Variants in OCA2 observed in about 807,000 individuals in gnomAD.
OCA2 encodes OCA2 melanosomal transmembrane protein.
A neutral mutation model predicts 100.2 loss-of-function variants in OCA2; 77 were observed. The ratio of observed to expected loss-of-function variants is 0.77; its 90% confidence interval spans 0.64 to 0.93. The LOEUF (loss-of-function observed/expected upper bound fraction) is 0.93. OCA2 is among the 40% of genes least tolerant of loss of function. The pLI is 0.00. For missense variants in OCA2, 1,062 were observed against 1,089.1 expected (o/e 0.98, Z 0.35); for synonymous variants, 432 against 439.2 (o/e 0.98, Z 0.21).
chr15:27,962,276 A>G (rs971432814), intron 15 of OCA2, among the ~76,000 whole-genome samples: 1 of 152,230 alleles, frequency 6.6e-6, no homozygotes. Flanking sequence ...ATTCTGCCAT[A>G]TAAGTTTCAA....
At chr15:27,780,908 G>A (rs1285757242) in intron 23 of OCA2, among the ~76,000 whole-genome samples, 3 of 152,192 alleles carry the variant, frequency 2.0e-5, no homozygotes, top group South Asian at 2.1e-4. Context: ...ATCTCTCCAC[G>A]AAATTATGAG....
At chr15:28,018,076 T>C (rs1224256394) in intron 7 of OCA2, among the ~76,000 whole-genome samples, 1 of 151,832 alleles carries the variant, frequency 6.6e-6, no homozygotes, top group Non-Finnish European at 1.5e-5. Context: ...AGGCCCGGAC[T>C]TAACTGCACT....
chr15:27,851,827 G>A (rs998540439), intron 21 of OCA2, among the ~76,000 whole-genome samples: 1 of 152,124 alleles, frequency 6.6e-6, no homozygotes, highest in African/African-American at 2.4e-5. Flanking sequence ...CTATGCACAC[G>A]TCATCTTGAA....
At chr15:27,919,891 G>A (rs2038797180) in intron 19 of OCA2, among the ~76,000 whole-genome samples, 1 of 152,054 alleles carries the variant, frequency 6.6e-6, no homozygotes, top group African/African-American at 2.4e-5. Context: ...TGGAGTATAT[G>A]GAAAATCTCT....
the OCA2 span, among the ~76,000 whole-genome samples, chr15:27,736,488 A>G: frequency 2.0e-5 from 3 of 152,240 alleles, no homozygotes; most frequent in Middle Eastern, 3.2e-3. Flanking sequence ...AGGAAGCTAC[A>G]TGGAGTTTTC....
intron 9 of OCA2, among the ~76,000 whole-genome samples, chr15:27,999,932 AG>A (rs1367346576): frequency 6.6e-6 from 1 of 152,194 alleles, no homozygotes; most frequent in East Asian, 1.9e-4. Flanking sequence ...CTGTACACTC[AG>A]GACAGTAAGA....
At chr15:28,028,615 G>C (rs958411501) in intron 3 of OCA2, among the ~76,000 whole-genome samples, 1 of 152,078 alleles carries the variant, frequency 6.6e-6, no homozygotes, top group Non-Finnish European at 1.5e-5. Flanking sequence ...TGACTCAAGG[G>C]GAATCATAAA....
At chr15:27,769,042 C>T (rs1353657747) in intron 23 of OCA2, among the ~76,000 whole-genome samples, 1 of 152,200 alleles carries the variant, frequency 6.6e-6, no homozygotes, top group Non-Finnish European at 1.5e-5. Context: ...ACGGATGCTG[C>T]GGGTTCACCG....
At chr15:27,930,592 G>A (rs535878988) in intron 18 of OCA2, among the ~76,000 whole-genome samples, 1 of 151,510 alleles carries the variant, frequency 6.6e-6, no homozygotes, top group Non-Finnish European at 1.5e-5. Flanking sequence ...TTGTGAGAGA[G>A]AGTGTCTGGC....
At chr15:28,077,401 A>T (rs910735573) in intron 2 of OCA2, among the ~76,000 whole-genome samples, 15 of 152,274 alleles carry the variant, frequency 9.9e-5, no homozygotes, top group Non-Finnish European at 1.6e-4. Context: ...ATATTAGATT[A>T]AAAAATTCAT....
chr15:27,933,986 C>T (rs575333199), intron 18 of OCA2, among the ~76,000 whole-genome samples: 201 of 152,052 alleles, frequency 1.3e-3, no homozygotes, highest in African/African-American at 4.7e-3. Context: ...ATATACATAA[C>T]ACATATATGT....
At chr15:28,055,144 C>G (rs2043649969) in intron 2 of OCA2, among the ~76,000 whole-genome samples, 1 of 152,210 alleles carries the variant, frequency 6.6e-6, no homozygotes, top group Non-Finnish European at 1.5e-5. Flanking sequence ...GTGAGCCACA[C>G]TTTTGCAGTT....
chr15:28,062,502 G>A (rs530136044), intron 2 of OCA2, among the ~76,000 whole-genome samples: 29 of 152,184 alleles, frequency 1.9e-4, no homozygotes, highest in East Asian at 5.8e-4. Context: ...ATTTTCTCCC[G>A]TTCTGTTGCT....
intron 14 of OCA2, among the ~76,000 whole-genome samples, chr15:27,974,383 C>A (rs2040899486): frequency 6.6e-6 from 1 of 152,174 alleles, no homozygotes; most frequent in Non-Finnish European, 1.5e-5. Context: ...ATAAATTTAT[C>A]TCTACTGAAG....
intron 21 of OCA2, among the ~76,000 whole-genome samples, chr15:27,868,521 C>T (rs2036416331): frequency 6.6e-6 from 1 of 151,996 alleles, no homozygotes; most frequent in South Asian, 2.1e-4. Flanking sequence ...AATCGTCACG[C>T]TCACGGAAGC....
chr15:28,006,779 T>C (rs2042103775), intron 9 of OCA2, among the ~76,000 whole-genome samples: 2 of 152,210 alleles, frequency 1.3e-5, no homozygotes, highest in South Asian at 4.1e-4. Context: ...GCAGAGCCAA[T>C]GGCTACAGAT....
chr15:27,987,482 G>A (rs1039684733), intron 11 of OCA2, among the ~76,000 whole-genome samples: 2 of 152,018 alleles, frequency 1.3e-5, no homozygotes, highest in African/African-American at 4.8e-5. Context: ...CACTTTGGGA[G>A]GCCAAGGCGG....
chr15:27,837,740 C>T (rs905789686), intron 23 of OCA2, among the ~76,000 whole-genome samples: 8 of 151,702 alleles, frequency 5.3e-5, no homozygotes, highest in African/African-American at 9.7e-5. Context: ...ATGCATCACC[C>T]GCAAGAGAAG....
chr15:28,002,199 G>A (rs112446283), intron 9 of OCA2, among the ~76,000 whole-genome samples: 2,790 of 152,306 alleles, frequency 0.018, 98 homozygotes, highest in African/African-American at 0.063. Context: ...AAGTAGGGGT[G>A]TCCCCCGGGA....
Sources: gnomAD v4.1 joint callset for allele counts (sites outside exome capture counted in the v4.1 genomes callset) on GRCh38, gnomAD v4.1.1 for gene constraint, MANE v1.5 for transcripts, NCBI Gene and HGNC (gene_info 2026-07-23, HGNC 2026-07-21) for gene names.